Variants in PRKD1 observed in about 807,000 individuals in gnomAD.
The protein encoded by PRKD1 is protein kinase D1, also known as serine/threonine-protein kinase D1.
In PRKD1, 63 loss-of-function variants were observed where a neutral mutation model predicts 95.9. The observed-to-expected ratio is 0.66, with a 90% CI of 0.54 to 0.81. The LOEUF (loss-of-function observed/expected upper bound fraction) is 0.81, where lower values mean the gene tolerates loss of function less well. PRKD1 is among the 30% of genes least tolerant of loss of function. The probability of loss-of-function intolerance (pLI) is 0.00; values close to 1 mark genes in which losing one functional copy is unlikely to be tolerated. For missense variants in PRKD1, 1,048 were observed against 1,165.3 expected (o/e 0.90, Z 1.47); for synonymous variants, 425 against 423.1 (o/e 1.00, Z -0.05).
intron 16 of PRKD1, among the ~76,000 whole-genome samples, chr14:29,583,977 A>C (rs1892832135): frequency 6.6e-6 from 1 of 152,174 alleles, no homozygotes; most frequent in Non-Finnish European, 1.5e-5. Flanking sequence ...GCAAAGAGAA[A>C]ATTTTATCAA....
chr14:29,819,261 A>T (rs541418265), intron 1 of PRKD1, among the ~76,000 whole-genome samples: 1 of 152,214 alleles, frequency 6.6e-6, no homozygotes, highest in Non-Finnish European at 1.5e-5. Context: ...CACTGTGGTT[A>T]TATAAAACAA....
intron 13 of PRKD1, among the ~76,000 whole-genome samples, chr14:29,615,754 T>A (rs1271595579): frequency 1.3e-5 from 2 of 152,190 alleles, no homozygotes; most frequent in Non-Finnish European, 2.9e-5. Flanking sequence ...TCACTTTGTA[T>A]AAAGGAATGA....
intron 2 of PRKD1, among the ~76,000 whole-genome samples, chr14:29,711,758 T>C (rs45491099): frequency 4.6e-4 from 70 of 152,252 alleles, no homozygotes; most frequent in African/African-American, 1.6e-3. Flanking sequence ...TTAATCTTGA[T>C]GGAGACGTAC....
chr14:29,577,605 G>A, intron 17 of PRKD1, 149 bp from the exon 18 acceptor site: 1 of 761,800 alleles, frequency 1.3e-6, no homozygotes, highest in Non-Finnish European at 2.2e-6. Flanking sequence ...TCAAGTGACA[G>A]TGTCGGCACC....
At chr14:29,923,875 T>C (rs895137883) in intron 1 of PRKD1, among the ~76,000 whole-genome samples, 1 of 151,788 alleles carries the variant, frequency 6.6e-6, no homozygotes, top group African/African-American at 2.4e-5. Flanking sequence ...GTAGATGATG[T>C]ACTATGAAAC....
intron 1 of PRKD1, among the ~76,000 whole-genome samples, chr14:29,774,936 A>G (rs1888670221): frequency 6.6e-6 from 1 of 152,180 alleles, no homozygotes. Flanking sequence ...GAGGTTGGAA[A>G]ACCAGACTAT....
chr14:29,701,330 C>T (rs890359426), intron 2 of PRKD1, among the ~76,000 whole-genome samples: 4 of 152,170 alleles, frequency 2.6e-5, no homozygotes, highest in Non-Finnish European at 5.9e-5. Flanking sequence ...TTTCACAAGT[C>T]CTCCAGGAGA....
intron 2 of PRKD1, among the ~76,000 whole-genome samples, chr14:29,687,072 A>G (rs1187022477): frequency 6.6e-6 from 1 of 151,826 alleles, no homozygotes; most frequent in Non-Finnish European, 1.5e-5. Flanking sequence ...AGCGACCCCA[A>G]CTCTGTTTTT....
chr14:29,883,083 A>G (rs1893572568), intron 1 of PRKD1, among the ~76,000 whole-genome samples: 1 of 152,168 alleles, frequency 6.6e-6, no homozygotes, highest in Non-Finnish European at 1.5e-5. Context: ...CCTTTTACTC[A>G]TGGTGGAAGG....
At chr14:29,859,651 A>C (rs1389623993) in intron 1 of PRKD1, among the ~76,000 whole-genome samples, 1 of 152,046 alleles carries the variant, frequency 6.6e-6, no homozygotes, top group Non-Finnish European at 1.5e-5. Context: ...CTTTATATTC[A>C]GTCAACAAGC....
intron 1 of PRKD1, among the ~76,000 whole-genome samples, chr14:29,845,768 A>G (rs918265872): frequency 6.6e-6 from 1 of 152,158 alleles, no homozygotes; most frequent in African/African-American, 2.4e-5. Context: ...ACCAGCAAAA[A>G]CCTCTATCTG....
chr14:29,584,831 T>G (rs1054621461), intron 16 of PRKD1, among the ~76,000 whole-genome samples: 12 of 145,954 alleles, frequency 8.2e-5, no homozygotes, highest in East Asian at 2.1e-4. Context: ...GTAACTGCCA[T>G]GCAGATTATG....
chr14:29,851,194 A>G (rs936940655), intron 1 of PRKD1, among the ~76,000 whole-genome samples: 1 of 152,208 alleles, frequency 6.6e-6, no homozygotes, highest in African/African-American at 2.4e-5. Flanking sequence ...AGTCATCAAA[A>G]GCAATTGCAA....
chr14:29,877,562 C>G (rs896428587), intron 1 of PRKD1, among the ~76,000 whole-genome samples: 1 of 152,174 alleles, frequency 6.6e-6, no homozygotes, highest in African/African-American at 2.4e-5. Context: ...AAATTTTTGC[C>G]AGTTTCTATG....
chr14:29,796,572 C>T lies in PRKD1; in HGVS notation c.265-70898G>A, dbSNP rs1889827286. On this transcript the variant is annotated intron_variant, in intron 1 of 17. Transcript: ENST00000331968. The stretch of plus-strand genomic sequence containing the variant: ...CCAACAATAACTGCAAATAGATAAG[C>T]AGACTAAGTGCTCATCTTTCAGGGA... Among the ~76,000 whole-genome samples the T allele has an allele frequency of 1.3e-5, 2 of 152,040 alleles. 1 individual carries two copies. The highest frequency in any genetic ancestry group is 4.2e-4 in the South Asian group (2 of 4,818).
At position 29,845,444 on chromosome 14, in the gene PRKD1, G is replaced by A. The variant is rs549513535; in HGVS notation, c.264+81805C>T. ...GTTATAAAACATACTTTTAAAAATC[G>A]TTGCAAAATTACATTTTTTGTATTG... On this transcript the variant is annotated intron_variant, in intron 1 of 17. Coordinates refer to ENST00000331968, the MANE Select transcript of PRKD1 (RefSeq NM_002742.3). 1.1e-3 allele frequency among the ~76,000 whole-genome samples: 170 copies of A among 152,048 alleles called. 1 individual carries two copies. Among genetic ancestry groups the A allele is most frequent in the African/African-American group, 4.0e-3 (165 of 41,516 alleles).
At chr14:29,870,311 G>A (rs1893056967) in intron 1 of PRKD1, among the ~76,000 whole-genome samples, 1 of 151,970 alleles carries the variant, frequency 6.6e-6, no homozygotes, top group Non-Finnish European at 1.5e-5. Context: ...AGAATAAATT[G>A]CATGATATGC....
At position 29,583,303 on chromosome 14, in the gene PRKD1, G is replaced by A. The variant is rs1393589363; in HGVS notation, c.2435-4943C>T. 7.2e-5 allele frequency among the ~76,000 whole-genome samples: 11 copies of A among 152,254 alleles called. No individual in the cohort carries two copies. The South Asian group carries it at 2.1e-3, about 29-fold the overall frequency. On this transcript the variant is annotated intron_variant, in intron 16 of 17. Coordinates refer to ENST00000331968, the MANE Select transcript of PRKD1 (RefSeq NM_002742.3). ...AGATGCCGTTTAAATAGCAGAGATG[G>A]AACAAGGGCCAAAGCAGTAGGGGAA...
At chr14:29,767,959 C>T (rs1888328674) in intron 1 of PRKD1, among the ~76,000 whole-genome samples, 1 of 152,128 alleles carries the variant, frequency 6.6e-6, no homozygotes. Context: ...AATAGGTTAA[C>T]ATTTATTATC....
Sources: allele counts gnomAD v4.1 joint callset (sites outside exome capture counted in the v4.1 genomes callset), GRCh38; gene constraint gnomAD v4.1.1; transcripts MANE v1.5; gene names NCBI Gene and HGNC (gene_info 2026-07-23, HGNC 2026-07-21).